The following DOK1 variants were observed in gnomAD, a reference collection of about 807,000 sequenced individuals.
DOK1 encodes docking protein 1.
Under a neutral mutation model 24.0 loss-of-function variants are expected in DOK1, and 12 were observed. The observed-to-expected ratio is 0.50, with a 90% CI of 0.32 to 0.81. The LOEUF (loss-of-function observed/expected upper bound fraction) is 0.81. Among genes scored for constraint, DOK1 ranks in the 30% least tolerant of loss-of-function variants. The pLI is 0.03. For synonymous variants in DOK1, 250 were observed against 260.9 expected, an observed-to-expected ratio of 0.96 and a Z score of 0.40; for missense variants, 591 against 620.7, an observed-to-expected ratio of 0.95 and a Z score of 0.51.
upstream of DOK1, chr2:74,553,920 C>T (rs1677195169): frequency 6.6e-6 from 1 of 150,736 alleles, no homozygotes; most frequent in South Asian, 2.1e-4. Context: ...AGTGCTGGTC[C>T]TGGAGATCAG....
At chr2:74,550,190 T>C (rs1163168814), upstream of DOK1, 2 of 1,613,170 alleles carry the variant, frequency 1.2e-6, no homozygotes, top group Admixed American at 3.3e-5. Context: ...CAGACCTCAA[T>C]GACATTGGAG....
At position 74,556,777 on chromosome 2, in the gene DOK1, C is replaced by A. The variant is rs751060609; in HGVS notation, c.1109C>A (p.Pro370Gln). Residue 370 changes from proline (P) to glutamine (Q), a missense_variant, in exon 5 of 5, where the codon CCA (proline) becomes CAA (glutamine). Physicochemically the swap from Pro to Gln is moderately conservative, Grantham distance 76 (BLOSUM62 -1). Transcript: ENST00000233668. The surrounding 1 kb of genome is among the most constrained non-coding windows in gnomAD (Gnocchi z 4.1). ...TATGATGAACCTGAGGGCCTGGCCC[C>A]AGTCCCTCCCCAGGGCCTTTATGAT... ...PIYDEPEGLA[P>Q]VPPQGLYDLP... 1 of 1,614,212 alleles carries A rather than the reference C, an allele frequency of 6.2e-7. No individual in the cohort carries two copies. Among genetic ancestry groups the A allele is most frequent in the East Asian group, 2.2e-5 (1 of 44,872 alleles).
chr2:74,556,146 G>A lies in DOK1; in HGVS notation c.639+68G>A. On this transcript the variant is annotated intron_variant, in intron 4 of 4. Transcript: ENST00000233668. The surrounding 1 kb of genome is among the most constrained non-coding windows in gnomAD (Gnocchi z 4.1). ...TGGGAGGGGTGGGGCAGGACAGAAA[G>A]TGGGAAGCTCTGACCTTTGGATCCC... is the stretch of plus-strand genomic sequence containing the variant. The A allele has an allele frequency of 1.3e-6, 2 of 1,533,762 alleles. No homozygotes were observed. Among genetic ancestry groups the A allele is most frequent in the Non-Finnish European group, 1.8e-6 (2 of 1,140,234 alleles).
Position 74,556,810 on chromosome 2 carries a change from G to C in DOK1, c.1142G>C (p.Arg381Pro). ...VPPQGLYDLPREPKDAWWCQA... is the reference protein window; with the variant it reads ...VPPQGLYDLPPEPKDAWWCQA... ...CCCCAGGGCCTTTATGATCTGCCTCGGGAGCCCAAGGATGCATGGTGGTGC... is the reference window on the plus strand; with the variant it reads ...CCCCAGGGCCTTTATGATCTGCCTCCGGAGCCCAAGGATGCATGGTGGTGC... Residue 381 changes from arginine (R) to proline (P), a missense_variant, in exon 5 of 5, where the codon CGG becomes CCG. Arg to Pro is a moderately radical substitution (Grantham distance 103, BLOSUM62 -2). Coordinates refer to ENST00000233668, the MANE Select transcript of DOK1 (RefSeq NM_001381.5). This position sits in a 1 kb window ranked among gnomAD's most constrained non-coding sequence, Gnocchi z 4.1. 1 of 1,614,120 alleles carries C rather than the reference G, an allele frequency of 6.2e-7. No individual in the cohort carries two copies. Among genetic ancestry groups the C allele is most frequent in the Non-Finnish European group, 8.5e-7 (1 of 1,180,014 alleles).
rs762291663 is a variant in DOK1, at chr2:74,555,697, T to G, written c.454+29T>G. Reference sequence around the variant, plus strand: ...GACGCCTCAGAAGCCCGGGCAGGGATGGAGTGAAGAGGAGGAGGGCCGAGG... The same window carrying G: ...GACGCCTCAGAAGCCCGGGCAGGGAGGGAGTGAAGAGGAGGAGGGCCGAGG... On this transcript the variant is annotated intron_variant, in intron 3 of 4. Transcript: ENST00000233668. This position sits in a 1 kb window ranked among gnomAD's most constrained non-coding sequence, Gnocchi z 6.1. 1.4e-5 allele frequency: 23 copies of G among 1,612,802 alleles called. No individual in the cohort carries two copies. The highest frequency in any genetic ancestry group is 1.9e-5 in the Non-Finnish European group (23 of 1,179,680).
chr2:74,556,827 T>C lies in DOK1; in HGVS notation c.1159T>C (p.Trp387Arg), dbSNP rs1489440560. 6.2e-7 allele frequency: 1 copy of C among 1,613,974 alleles called. No individual in the cohort carries two copies. The highest frequency in any genetic ancestry group is 8.5e-7 in the Non-Finnish European group (1 of 1,180,012). ...TCTGCCTCGGGAGCCCAAGGATGCA[T>C]GGTGGTGCCAAGCTCGGGTGAAGGA... ...YDLPREPKDA[W>R]WCQARVKEEG... The change falls in exon 5 of 5, where the codon TGG (tryptophan) becomes CGG (arginine). Residue 387 changes from tryptophan (W) to arginine (R), a missense_variant. Transcript: ENST00000233668. The surrounding 1 kb of genome is among the most constrained non-coding windows in gnomAD (Gnocchi z 4.1).
upstream of DOK1, chr2:74,552,501 C>T (rs202057346): frequency 5.1e-5 from 82 of 1,613,542 alleles, no homozygotes; most frequent in Admixed American, 2.0e-4. Flanking sequence ...GCCAGCCAGC[C>T]GGAACCGAAG....
In DOK1 at chr2:74,555,274, G is replaced by C; in HGVS notation, c.181G>C (p.Asp61His). 6.2e-7 allele frequency: 1 copy of C among 1,614,086 alleles called. No homozygotes were observed. The highest frequency in any genetic ancestry group is 8.5e-7 in the Non-Finnish European group (1 of 1,180,024). ...GGGRGSSRRL[D>H]CKVIRLAECV... Reference sequence around the variant, plus strand: ...TGGCCGAGGGAGCTCGCGCCGCCTGGACTGCAAAGTGATCCGTCTGGCTGA... The same window carrying C: ...TGGCCGAGGGAGCTCGCGCCGCCTGCACTGCAAAGTGATCCGTCTGGCTGA... The change falls in exon 2 of 5, where the codon GAC becomes CAC. Residue 61 changes from aspartate to histidine, a missense_variant. Coordinates refer to ENST00000233668, the MANE Select transcript of DOK1 (RefSeq NM_001381.5). This position sits in a 1 kb window ranked among gnomAD's most constrained non-coding sequence, Gnocchi z 6.1.
chr2:74,555,467 G>C lies in DOK1; in HGVS notation c.360+14G>C, dbSNP rs1203316105. 6.2e-7 allele frequency: 1 copy of C among 1,607,928 alleles called. No individual in the cohort carries two copies. The highest frequency in any genetic ancestry group is 1.7e-5 in the Admixed American group (1 of 59,340). ...AACGCCTTTCCGGTGAGGAGCTGCG[G>C]CGATGCGGGGTGGGGGCAGTTACAG... On this transcript the variant is annotated intron_variant, in intron 2 of 4. Transcript: ENST00000233668. This position sits in a 1 kb window ranked among gnomAD's most constrained non-coding sequence, Gnocchi z 6.1.
At position 74,549,685 on chromosome 2, in the gene DOK1, T is replaced by C; in HGVS notation, c.-358+513T>C. On this transcript the variant is annotated intron_variant, in intron 1 of 4. Coordinates refer to the DOK1 transcript ENST00000409429. This position sits in a 1 kb window ranked among gnomAD's most constrained non-coding sequence, Gnocchi z 5.3. ...CTTGGTGTGCCTGCTGTAAACCCAGTGGCGGGATGGGCCCGAGGCGGCGCT... is the reference window on the plus strand; with the variant it reads ...CTTGGTGTGCCTGCTGTAAACCCAGCGGCGGGATGGGCCCGAGGCGGCGCT... 1.4e-6 allele frequency: 2 copies of C among 1,460,512 alleles called. No individual in the cohort carries two copies. Among genetic ancestry groups the C allele is most frequent in the East Asian group, 5.0e-5 (2 of 40,096 alleles). The allele number at this position is 1,460,512 out of a possible 1,614,324, so 90.5% of individuals were successfully genotyped here. A position where few individuals can be genotyped will look rare whatever the true frequency, so the allele number is the denominator to read the frequency against.
chr2:74,552,616 A>G (rs1184764688), upstream of DOK1: 3 of 1,570,096 alleles, frequency 1.9e-6, no homozygotes, highest in Non-Finnish European at 2.6e-6. Flanking sequence ...CTCCACTGCC[A>G]GACACTGACA....
rs1204884392 is a variant in DOK1, at chr2:74,556,546, C to T, written c.878C>T (p.Pro293Leu). The T allele has an allele frequency of 6.2e-7, 1 of 1,614,218 alleles. No individual in the cohort carries two copies. The highest frequency in any genetic ancestry group is 1.1e-5 in the South Asian group (1 of 91,090). Residue 293 changes from proline (P) to leucine (L), a missense_variant, in exon 5 of 5, where the codon CCA becomes CTA. Physicochemically the swap from Pro to Leu is moderately conservative, Grantham distance 98. Transcript: ENST00000233668. This position sits in a 1 kb window ranked among gnomAD's most constrained non-coding sequence, Gnocchi z 4.1. ...PGPQELLDSP[P>L]ALYAEPLDSL... is the part of the protein sequence containing the mutation. ...CCCCAAGAGCTCCTCGACAGTCCCCCAGCCCTGTATGCTGAGCCCTTAGAC... is the reference window on the plus strand; with the variant it reads ...CCCCAAGAGCTCCTCGACAGTCCCCTAGCCCTGTATGCTGAGCCCTTAGAC...
rs1434099828 is a variant in DOK1, at chr2:74,549,328, C to A, written c.-358+156C>A. On this transcript the variant is annotated intron_variant, in intron 1 of 4. Coordinates refer to the DOK1 transcript ENST00000409429. The surrounding 1 kb of genome is among the most constrained non-coding windows in gnomAD (Gnocchi z 5.3). The stretch of plus-strand genomic sequence containing the variant: ...CCAAGGCTATTCATCAGGGAGCACC[C>A]CAATCCCGGCCTGCTCCGCCCGGCG... 2.6e-6 allele frequency: 4 copies of A among 1,525,028 alleles called. No homozygotes were observed. The highest frequency in any genetic ancestry group is 2.5e-5 in the East Asian group (1 of 40,512). 94.5% of individuals were successfully genotyped at this position (1,525,028 alleles called of 1,614,324 possible).
At position 74,554,835 on chromosome 2, in the gene DOK1, C is replaced by G. The variant is rs757036727; in HGVS notation, c.60+21C>G. On this transcript the variant is annotated intron_variant, in intron 1 of 4. Coordinates refer to ENST00000233668, the MANE Select transcript of DOK1 (RefSeq NM_001381.5). The surrounding 1 kb of genome is among the most constrained non-coding windows in gnomAD (Gnocchi z 4.9). ...CCAAGGTAGTCTGGCGCATGGATGC[C>G]GAACCTTATCCGGGCTAGTAGTGGG... is the stretch of plus-strand genomic sequence containing the variant. The G allele has an allele frequency of 9.3e-6, 15 of 1,613,568 alleles. No individual in the cohort carries two copies. In the South Asian group the frequency reaches 1.5e-4, roughly 17 times the overall value.
chr2:74,556,553 G>A lies in DOK1; in HGVS notation c.885G>A (p.Leu295=). 9 of 1,614,184 alleles carry A rather than the reference G, an allele frequency of 5.6e-6. No individual in the cohort carries two copies. The highest frequency in any genetic ancestry group is 7.6e-6 in the Non-Finnish European group (9 of 1,180,030). The change falls in exon 5 of 5, where the codon CTG becomes CTA. Residue 295 remains leucine (L), a synonymous_variant. Coordinates refer to ENST00000233668, the MANE Select transcript of DOK1 (RefSeq NM_001381.5). This position sits in a 1 kb window ranked among gnomAD's most constrained non-coding sequence, Gnocchi z 4.1. ...AGCTCCTCGACAGTCCCCCAGCCCT[G>A]TATGCTGAGCCCTTAGACTCCCTGC... The part of the protein sequence containing the change: ...PQELLDSPPA[L]YAEPLDSLRI...
At chr2:74,554,702 C>CGCCCCGCCTCCCGCCTCCT, upstream of DOK1, 1 of 1,587,080 alleles carries the variant, frequency 6.3e-7, no homozygotes, top group Non-Finnish European at 8.6e-7. The surrounding 1 kb of genome is among the most constrained non-coding windows in gnomAD (Gnocchi z 4.9). Flanking sequence ...CCCCGCCTCC[C>CGCCCCGCCTCCCGCCTCCT]GCCCCGCCTC....
upstream of DOK1, among the ~76,000 whole-genome samples, chr2:74,551,588 G>C (rs1677016618): frequency 6.6e-6 from 1 of 152,202 alleles, no homozygotes; most frequent in Non-Finnish European, 1.5e-5. Context: ...TTGAAACTTG[G>C]CTTCTGAATC....
upstream of DOK1, chr2:74,550,335 C>T (rs1226786604): frequency 1.2e-6 from 2 of 1,613,388 alleles, no homozygotes; most frequent in African/African-American, 1.3e-5. Flanking sequence ...TCAAGTTGTC[C>T]AGCCAGATGC....
chr2:74,554,771 T>C lies in DOK1; in HGVS notation c.17T>C (p.Met6Thr). Reference sequence around the variant, plus strand: ...CCGGGGGCCATGGACGGAGCAGTGATGGAAGGGCCGCTTTTTTTGCAGAGT... The same window carrying C: ...CCGGGGGCCATGGACGGAGCAGTGACGGAAGGGCCGCTTTTTTTGCAGAGT... MDGAV[M>T]EGPLFLQSQR... Residue 6 changes from methionine to threonine, a missense_variant, in exon 1 of 5, where the codon ATG becomes ACG. By Grantham distance (81) the Met-to-Thr change is moderately conservative. Transcript: ENST00000233668. The surrounding 1 kb of genome is among the most constrained non-coding windows in gnomAD (Gnocchi z 4.9). The C allele has an allele frequency of 6.2e-7, 1 of 1,613,420 alleles. No individual in the cohort carries two copies.
Sources: gnomAD v4.1 joint callset for allele counts (sites outside exome capture counted in the v4.1 genomes callset) on GRCh38, gnomAD v4.1.1 for gene constraint, Gnocchi (gnomAD v3.1) non-coding constraint, MANE v1.5 for transcripts, NCBI Gene and HGNC (gene_info 2026-07-23, HGNC 2026-07-21) for gene names.